Variants in MFSD1 observed in about 807,000 individuals in gnomAD.
MFSD1 encodes the protein lysosomal dipeptide transporter MFSD1.
Under a neutral mutation model 67.1 loss-of-function variants are expected in MFSD1, and 59 were observed. That is an observed-to-expected ratio of 0.88 (90% confidence interval 0.71 to 1.09). The LOEUF (loss-of-function observed/expected upper bound fraction) is 1.09, where lower values mean the gene tolerates loss of function less well. Among genes scored for constraint, MFSD1 ranks in the 50% least tolerant of loss-of-function variants. The pLI, the probability that MFSD1 is intolerant of heterozygous loss-of-function variation, is 0.00. For missense variants in MFSD1, 552 were observed against 566.1 expected, an observed-to-expected ratio of 0.97 and a Z score of 0.25; for synonymous variants, 213 against 200.3, an observed-to-expected ratio of 1.06 and a Z score of -0.54.
intron 2 of MFSD1, 86 bp downstream of exon 2, chr3:158,804,457 G>C: frequency 2.0e-6 from 2 of 990,032 alleles, no homozygotes; most frequent in Non-Finnish European, 3.1e-6. Flanking sequence ...AGGTGCCCTA[G>C]TCTCACGTGT....
At position 158,802,277 on chromosome 3, in the gene MFSD1, G is replaced by T. The variant is rs1464875744; in HGVS notation, c.125G>T (p.Arg42Leu). 6.2e-7 allele frequency: 1 copy of T among 1,611,372 alleles called. No individual in the cohort carries two copies. Among genetic ancestry groups the T allele is most frequent in the Non-Finnish European group, 8.5e-7 (1 of 1,178,636 alleles). Residue 42 changes from arginine to leucine, a missense_variant, in exon 1 of 16, where the codon CGG (arginine) becomes CTG (leucine). Arg to Leu is a moderately radical substitution (Grantham distance 102, BLOSUM62 -2). Coordinates refer to ENST00000415822, the MANE Select transcript of MFSD1 (RefSeq NM_022736.4). ...TGCGACCCCAGTCGCCTGGCGCACC[G>T]GCTTTTGGTGCTGTTACTGATGTGC... The part of the protein sequence containing the change: ...ALCDPSRLAH[R>L]LLVLLLMCFL...
chr3:158,804,224 T>C, intron 1 of MFSD1, 95 bp from the exon 2 acceptor site: 1 of 781,458 alleles, frequency 1.3e-6, no homozygotes, highest in Non-Finnish European at 2.1e-6. Flanking sequence ...CAACCCGTAG[T>C]ATCAGCATTT....
At chr3:158,805,273 A>G in intron 2 of MFSD1, 89 bp from the exon 3 acceptor site, 2 of 1,036,508 alleles carry the variant, frequency 1.9e-6, no homozygotes, top group African/African-American at 1.6e-5. Flanking sequence ...GAATGTAACT[A>G]CTTTCCACTT....
intron 6 of MFSD1, 111 bp downstream of exon 6, chr3:158,809,398 T>A: frequency 1.4e-6 from 1 of 691,972 alleles, no homozygotes; most frequent in Non-Finnish European, 2.4e-6. Flanking sequence ...AATTAGATAT[T>A]AACTTTTATG....
At chr3:158,811,713 C>A (rs765736428) in intron 6 of MFSD1, among the ~76,000 whole-genome samples, 1 of 152,216 alleles carries the variant, frequency 6.6e-6, no homozygotes, top group Non-Finnish European at 1.5e-5. Context: ...AGGTCAGACA[C>A]TGCTGAAGAC....
Position 158,814,079 on chromosome 3 carries a change from C to A in MFSD1, c.652+12C>A. The stretch of plus-strand genomic sequence containing the variant: ...CACACTTATGATTGGTGAGTGAATC[C>A]CATGTCCCACATCTCTCCTCTTCTG... On this transcript the variant is annotated intron_variant, in intron 7 of 15. Transcript: ENST00000415822. 1 of 1,587,418 alleles carries A rather than the reference C, an allele frequency of 6.3e-7. No homozygotes were observed.
Position 158,802,086 on chromosome 3 carries a change from C to G in MFSD1, c.-67C>G, listed in dbSNP as rs780621388. ...TGACCGCCGTCTTGACAGTGTTCCA[C>G]GGGCGCTGCTTCCTGCCTGGGTTTG... On this transcript the variant is annotated 5_prime_UTR_variant, in exon 1 of 16. Coordinates refer to ENST00000415822, the MANE Select transcript of MFSD1 (RefSeq NM_022736.4). 5 of 1,580,406 alleles carry G rather than the reference C, an allele frequency of 3.2e-6. No homozygotes were observed. The Admixed American group carries it at 5.4e-5, about 17-fold the overall frequency.
At chr3:158,822,943 T>A (rs1730751688) in intron 11 of MFSD1, 1 of 158,600 alleles carries the variant, frequency 6.3e-6, no homozygotes, top group South Asian at 1.8e-4. Context: ...ATTTCTTTTT[T>A]AATTGAAGAA....
intron 7 of MFSD1, among the ~76,000 whole-genome samples, chr3:158,816,784 G>A (rs1179348555): frequency 6.6e-6 from 1 of 150,562 alleles, no homozygotes; most frequent in African/African-American, 2.5e-5. Context: ...ATGGTTTTAG[G>A]TCTAACGTTT....
In MFSD1 at chr3:158,804,386, C is replaced by G. The variant is rs773403412; in HGVS notation, c.216+15C>G. 6.2e-7 allele frequency: 1 copy of G among 1,606,168 alleles called. No homozygotes were observed. The highest frequency in any genetic ancestry group is 2.2e-5 in the East Asian group (1 of 44,796). ...AAGTTAAACGAGTAAGTTGATTTTT[C>G]ACTCTTGTTTCTTTTGTTTTCTTTA... is the stretch of plus-strand genomic sequence containing the variant. On this transcript the variant is annotated intron_variant, in intron 2 of 15. Transcript: ENST00000415822.
intron 2 of MFSD1, 127 bp from the exon 3 acceptor site, chr3:158,805,235 A>G: frequency 1.3e-6 from 1 of 751,638 alleles, no homozygotes; most frequent in Non-Finnish European, 2.3e-6. Flanking sequence ...ATAAATGGTT[A>G]AAAAAAACTT....
intron 6 of MFSD1, among the ~76,000 whole-genome samples, chr3:158,810,427 A>G (rs1729946283): frequency 6.6e-6 from 1 of 152,228 alleles, no homozygotes; most frequent in East Asian, 1.9e-4. Context: ...AATACAACAT[A>G]GTCTCAGAGA....
intron 1 of MFSD1, 128 bp from the exon 2 acceptor site, chr3:158,804,191 G>T: frequency 1.7e-6 from 1 of 597,848 alleles, no homozygotes; most frequent in Admixed American, 3.4e-5. Flanking sequence ...TAAGGAAGTG[G>T]TTCAGAAATA....
rs1359384605 is a variant in MFSD1, at chr3:158,827,911, A to AGGGG, written c.1394+576_1394+579dup. Among the ~76,000 whole-genome samples the AGGGG allele has an allele frequency of 6.6e-5, 6 of 90,462 alleles. No homozygotes were observed. The South Asian group carries it at 1.0e-3, about 16-fold the overall frequency. The allele number at this position is 90,462 out of a possible 152,430, so 59.3% of individuals were successfully genotyped here. ...CAGAGAGAGACACAGAGAGAGAGAG[A>AGGGG]GGGGGAGAGAGAGAGAGAGAGAGAG... On this transcript the variant is annotated intron_variant, in intron 15 of 15. Transcript: ENST00000415822.
At chr3:158,814,713 A>G (rs991104185) in intron 7 of MFSD1, among the ~76,000 whole-genome samples, 2 of 152,242 alleles carry the variant, frequency 1.3e-5, no homozygotes, top group Admixed American at 1.3e-4. Context: ...GAATTTATTC[A>G]TGCATACAAA....
At chr3:158,813,591 T>C in intron 6 of MFSD1, among the ~76,000 whole-genome samples, 1 of 152,238 alleles carries the variant, frequency 6.6e-6, no homozygotes, top group African/African-American at 2.4e-5. Context: ...CAGAGGAAGA[T>C]GTTTTTCCCT....
rs775772187 is a variant in MFSD1 at position 158,821,653 on chromosome 3, G to A, written c.920G>A (p.Ser307Asn). 9 of 1,605,912 alleles carry A rather than the reference G, an allele frequency of 5.6e-6. No homozygotes were observed. In the South Asian group the frequency reaches 7.8e-5, roughly 14 times the overall value. Residue 307 changes from serine (S) to asparagine (N), a missense_variant and splice_region_variant, in exon 10 of 16, where the codon AGT (serine) becomes AAT (asparagine). Ser to Asn is a conservative substitution (Grantham distance 46, BLOSUM62 1). Transcript: ENST00000415822. The stretch of plus-strand genomic sequence containing the variant: ...TCCCAGGCAGCAAGTGCAATTAACA[G>A]GTATTTTAAAATTAATTTTGTAAGT... ...FSSQAASAIN[S>N]VVYVISAPMS...
At chr3:158,815,541 T>C (rs896602480) in intron 7 of MFSD1, among the ~76,000 whole-genome samples, 2 of 152,052 alleles carry the variant, frequency 1.3e-5, no homozygotes, top group African/African-American at 4.8e-5. Flanking sequence ...AATGTGTATT[T>C]AAAAATGTTT....
intron 7 of MFSD1, among the ~76,000 whole-genome samples, chr3:158,819,198 C>T (rs1730535829): frequency 6.6e-6 from 1 of 152,144 alleles, no homozygotes; most frequent in Non-Finnish European, 1.5e-5. Context: ...TGCCAGAGGG[C>T]AGGAGCGAAG....
Sources: gnomAD v4.1 joint callset for allele counts (sites outside exome capture counted in the v4.1 genomes callset) on GRCh38, gnomAD v4.1.1 for gene constraint, MANE v1.5 for transcripts, NCBI Gene and HGNC (gene_info 2026-07-23, HGNC 2026-07-21) for gene names.